The following CMTM4 variants were observed in gnomAD, a reference collection of about 807,000 sequenced individuals.
CMTM4 encodes CKLF like MARVEL transmembrane domain containing 4.
A neutral mutation model predicts 19.0 loss-of-function variants in CMTM4; 8 were observed. The ratio of observed to expected loss-of-function variants is 0.42; its 90% CI spans 0.25 to 0.76. The LOEUF (loss-of-function observed/expected upper bound fraction) is 0.76. Among genes scored for constraint, CMTM4 ranks in the 30% least tolerant of loss-of-function variants. CMTM4 has a pLI of 0.27. For synonymous variants in CMTM4, 106 were observed against 121.1 expected (o/e 0.88, Z 0.82); for missense variants, 228 against 290.2 (o/e 0.79, Z 1.56).
intron 1 of CMTM4, among the ~76,000 whole-genome samples, chr16:66,695,561 C>T (rs2017218510): frequency 6.6e-6 from 1 of 152,128 alleles, no homozygotes; most frequent in Admixed American, 6.6e-5. Flanking sequence ...CTGAGAGGCC[C>T]CTGCCCAGAA....
At chr16:66,611,928 C>T (rs779046651), downstream of CMTM4, among the ~76,000 whole-genome samples, 2 of 152,026 alleles carry the variant, frequency 1.3e-5, no homozygotes, top group Non-Finnish European at 2.9e-5. Context: ...AAGAAAATAG[C>T]TGTCCTCACC....
At chr16:66,685,271 A>G (rs1202283771) in intron 1 of CMTM4, among the ~76,000 whole-genome samples, 1 of 152,178 alleles carries the variant, frequency 6.6e-6, no homozygotes, top group African/African-American at 2.4e-5. Context: ...AAGGAATCCC[A>G]TGTCATCCTG....
At chr16:66,694,238 T>C (rs2017190199) in intron 1 of CMTM4, among the ~76,000 whole-genome samples, 2 of 152,120 alleles carry the variant, frequency 1.3e-5, no homozygotes, top group African/African-American at 2.4e-5. Context: ...GTCTACAAAC[T>C]AGATTTCAAT....
intron 2 of CMTM4, among the ~76,000 whole-genome samples, chr16:66,625,366 G>A (rs373739365): frequency 1.1e-3 from 165 of 151,822 alleles, no homozygotes; most frequent in African/African-American, 3.8e-3. Flanking sequence ...CCCGGGAGGC[G>A]GAGGTTGCAG....
chr16:66,689,783 G>T (rs1253423839), intron 1 of CMTM4, among the ~76,000 whole-genome samples: 1 of 151,960 alleles, frequency 6.6e-6, no homozygotes, highest in Non-Finnish European at 1.5e-5. Flanking sequence ...TTTGTTCCTG[G>T]GATAAATCAA....
chr16:66,628,192 A>G (rs8058171), intron 2 of CMTM4, among the ~76,000 whole-genome samples: 6,685 of 152,308 alleles, frequency 0.044, 270 homozygotes, highest in East Asian at 0.16. Flanking sequence ...ATGTACAATC[A>G]GGTTTTATAC....
intron 2 of CMTM4, 23 bp from the exon 3 acceptor site, chr16:66,623,525 C>A: frequency 6.5e-7 from 1 of 1,536,666 alleles, no homozygotes; most frequent in Non-Finnish European, 8.9e-7. Context: ...ACAAAATAAA[C>A]CAAGTGAAAA....
chr16:66,625,419 A>G (rs1328886512), intron 2 of CMTM4, among the ~76,000 whole-genome samples: 2 of 151,016 alleles, frequency 1.3e-5, no homozygotes, highest in East Asian at 3.9e-4. Context: ...AGGCAACAAG[A>G]GCGAAACTCT....
intron 2 of CMTM4, among the ~76,000 whole-genome samples, chr16:66,624,881 T>C (rs922638786): frequency 6.6e-6 from 1 of 152,244 alleles, no homozygotes; most frequent in African/African-American, 2.4e-5. Flanking sequence ...CTCAGACGCA[T>C]CTGCCAGCAG....
chr16:66,610,995 T>G (rs1288227067), downstream of CMTM4: 1 of 397,946 alleles, frequency 2.5e-6, no homozygotes, highest in Non-Finnish European at 4.4e-6. The surrounding 1 kb of genome is among the most constrained non-coding windows in gnomAD (Gnocchi z 4.6). Flanking sequence ...CTGCTCCCAG[T>G]TGCCCGCAGC....
the CMTM4 span, among the ~76,000 whole-genome samples, chr16:66,598,490 T>C: frequency 6.6e-6 from 1 of 152,244 alleles, no homozygotes; most frequent in East Asian, 1.9e-4. Flanking sequence ...TATAGTTTGA[T>C]GTGTTTTGAC....
chr16:66,668,385 T>C (rs1596948928), intron 1 of CMTM4, among the ~76,000 whole-genome samples: 1 of 152,186 alleles, frequency 6.6e-6, no homozygotes, highest in East Asian at 1.9e-4. Context: ...GCCTTGCTGG[T>C]GTTTTGTAGA....
Position 66,617,171 on chromosome 16 carries a change from T to A in CMTM4, c.*4887A>T. 1.7e-6 allele frequency: 2 copies of A among 1,154,028 alleles called. No homozygotes were observed. The highest frequency in any genetic ancestry group is 1.2e-6 in the Non-Finnish European group (1 of 803,238). 71.5% of individuals were successfully genotyped at this position (1,154,028 alleles called of 1,614,324 possible). ...AAACACGCCACCCCAGGTGTCTAGA[T>A]AGCAAGTCACCTGAATTAAAGCCTC... On this transcript the variant is annotated 3_prime_UTR_variant, in exon 4 of 4. Coordinates refer to ENST00000394106, the MANE Select transcript of CMTM4 (RefSeq NM_181521.3).
chr16:66,663,215 T>C (rs1234649110), intron 1 of CMTM4, among the ~76,000 whole-genome samples: 1 of 152,222 alleles, frequency 6.6e-6, no homozygotes. Flanking sequence ...GTCCACGATA[T>C]AATTCTAAAT....
chr16:66,670,275 C>T (rs554787961), intron 1 of CMTM4, among the ~76,000 whole-genome samples: 4 of 150,260 alleles, frequency 2.7e-5, no homozygotes, highest in South Asian at 2.1e-4. Context: ...GGTGAAACCC[C>T]GTCTCTACCA....
At chr16:66,672,703 CGGT>C (rs2016731996) in intron 1 of CMTM4, among the ~76,000 whole-genome samples, 1 of 149,046 alleles carries the variant, frequency 6.7e-6, no homozygotes, top group South Asian at 2.1e-4. Flanking sequence ...TCAGCCTCCC[CGGT>C]TCAAGCGATT....
chr16:66,661,775 AC>A (rs1198537321), intron 1 of CMTM4, among the ~76,000 whole-genome samples: 1 of 151,940 alleles, frequency 6.6e-6, no homozygotes, highest in Non-Finnish European at 1.5e-5. Context: ...TACTAAAACA[AC>A]AAAAAAATTA....
chr16:66,642,964 C>G (rs761424024), intron 1 of CMTM4, among the ~76,000 whole-genome samples: 24 of 152,126 alleles, frequency 1.6e-4, no homozygotes, highest in Non-Finnish European at 2.9e-4. Context: ...CTCTGTCGCC[C>G]AGGCTGGAAT....
In CMTM4 at chr16:66,683,169, A is replaced by G. The variant is rs1372510114; in HGVS notation, c.186+13171T>C. 1.2e-3 allele frequency among the ~76,000 whole-genome samples: 100 copies of G among 84,430 alleles called. 1 individual carries two copies. Among genetic ancestry groups the G allele is most frequent in the African/African-American group, 3.6e-3 (95 of 26,332 alleles). 55.4% of individuals were successfully genotyped at this position (84,430 alleles called of 152,430 possible). ...TATGTATATATATATACGTATATAT[A>G]TATATACATATGTATATATATATAC... is the stretch of plus-strand genomic sequence containing the variant. On this transcript the variant is annotated intron_variant, in intron 1 of 3. Coordinates refer to ENST00000394106, the MANE Select transcript of CMTM4 (RefSeq NM_181521.3).
Sources: allele counts gnomAD v4.1 joint callset (sites outside exome capture counted in the v4.1 genomes callset), GRCh38; gene constraint gnomAD v4.1.1; non-coding constraint Gnocchi (gnomAD v3.1); transcripts MANE v1.5; gene names NCBI Gene and HGNC (gene_info 2026-07-23, HGNC 2026-07-21).